Variants in EBF1 observed in about 807,000 individuals in gnomAD.
EBF1 encodes the protein EBF transcription factor 1.
Under a neutral mutation model 68.4 loss-of-function variants are expected in EBF1, and 10 were observed. The observed-to-expected ratio is 0.15, with a 90% CI of 0.09 to 0.25. The LOEUF (loss-of-function observed/expected upper bound fraction) is 0.25, where lower values mean the gene tolerates loss of function less well. Among genes scored for constraint, EBF1 ranks in the 10% least tolerant of loss-of-function variants. The pLI, the probability that EBF1 is intolerant of heterozygous loss-of-function variation, is 1.00. For synonymous variants in EBF1, 298 were observed against 299.8 expected (o/e 0.99, Z 0.06); for missense variants, 509 against 794.4 (o/e 0.64, Z 4.32).
chr5:159,070,977 A>T (rs1358366847), intron 6 of EBF1, among the ~76,000 whole-genome samples: 2 of 152,178 alleles, frequency 1.3e-5, no homozygotes, highest in African/African-American at 4.8e-5. Flanking sequence ...CCTTTGCAGC[A>T]ATTTTATGGA....
chr5:159,061,418 T>A lies in EBF1; in HGVS notation c.554+11978A>T, dbSNP rs1014769823. The stretch of plus-strand genomic sequence containing the variant: ...TGATTGTGGAGATAATTAAAGTCAT[T>A]CCTGGAACTTCCAAGAAAAAAAAAA... On this transcript the variant is annotated intron_variant, in intron 6 of 15. Coordinates refer to ENST00000313708, the MANE Select transcript of EBF1 (RefSeq NM_024007.5). 1.1e-4 allele frequency among the ~76,000 whole-genome samples: 17 copies of A among 151,594 alleles called. 1 individual carries two copies. The highest frequency in any genetic ancestry group is 1.1e-3 in the Admixed American group (17 of 15,266).
At chr5:159,079,844 G>C (rs987605159) in intron 5 of EBF1, among the ~76,000 whole-genome samples, 3 of 151,752 alleles carry the variant, frequency 2.0e-5, no homozygotes, top group Non-Finnish European at 2.9e-5. Flanking sequence ...TGAACTCTTG[G>C]CCTCAAGTGA....
At chr5:159,023,966 T>C (rs527273790) in intron 6 of EBF1, among the ~76,000 whole-genome samples, 1 of 152,300 alleles carries the variant, frequency 6.6e-6, no homozygotes, top group South Asian at 2.1e-4. Flanking sequence ...GTATGTTTCT[T>C]TGGAATAAAA....
intron 6 of EBF1, among the ~76,000 whole-genome samples, chr5:158,846,174 A>G (rs929267519): frequency 1.3e-5 from 2 of 152,182 alleles, no homozygotes; most frequent in African/African-American, 4.8e-5. Flanking sequence ...CTCTGGCCCA[A>G]TGCAGGAAAC....
chr5:158,854,877 T>A (rs1052932539), intron 6 of EBF1, among the ~76,000 whole-genome samples: 3 of 152,196 alleles, frequency 2.0e-5, no homozygotes, highest in Admixed American at 1.3e-4. Context: ...GGTCAGCACA[T>A]GCCAGGCACT....
chr5:158,866,857 A>ATGTG (rs1562162776), intron 6 of EBF1, among the ~76,000 whole-genome samples: 1 of 19,640 alleles, frequency 5.1e-5, no homozygotes. Flanking sequence ...ATATATATAT[A>ATGTG]TATATATATA....
At chr5:158,923,810 C>T (rs1808982898) in intron 6 of EBF1, among the ~76,000 whole-genome samples, 1 of 152,166 alleles carries the variant, frequency 6.6e-6, no homozygotes, top group Admixed American at 6.5e-5. Context: ...CAACAAATCT[C>T]AAATTTCGTG....
chr5:159,004,811 G>A (rs777978585), intron 6 of EBF1, among the ~76,000 whole-genome samples: 3 of 152,136 alleles, frequency 2.0e-5, no homozygotes, highest in Non-Finnish European at 4.4e-5. Flanking sequence ...AGCTTGAGGT[G>A]GAAGTGGCAA....
intron 8 of EBF1, among the ~76,000 whole-genome samples, chr5:158,819,625 T>A (rs1784426225): frequency 6.6e-6 from 1 of 152,308 alleles, no homozygotes; most frequent in Non-Finnish European, 1.5e-5. Flanking sequence ...GTACACAGGG[T>A]AGCGCTGAAC....
intron 4 of EBF1, among the ~76,000 whole-genome samples, chr5:159,094,053 G>A (rs7722158): frequency 0.043 from 6,111 of 141,216 alleles, 264 homozygotes; most frequent in African/African-American, 0.12. Flanking sequence ...GATATCCAGG[G>A]TATCAAAGGC....
intron 7 of EBF1, among the ~76,000 whole-genome samples, chr5:158,830,708 TC>T (rs1183521735): frequency 6.6e-6 from 1 of 152,236 alleles, no homozygotes; most frequent in Non-Finnish European, 1.5e-5. Flanking sequence ...AGCAGTTAGG[TC>T]TTCATTAACT....
At chr5:158,817,878 C>A (rs999364201) in intron 8 of EBF1, among the ~76,000 whole-genome samples, 3 of 152,126 alleles carry the variant, frequency 2.0e-5, no homozygotes, top group East Asian at 3.9e-4. Flanking sequence ...TATGAATGAG[C>A]GATTTCAAGT....
intron 6 of EBF1, among the ~76,000 whole-genome samples, chr5:159,061,903 A>G (rs2127875397): frequency 6.6e-6 from 1 of 152,248 alleles, no homozygotes; most frequent in South Asian, 2.1e-4. Context: ...TTCAATCTTG[A>G]GGAGAGCTTA....
chr5:158,967,786 C>T (rs1754474672), intron 6 of EBF1, among the ~76,000 whole-genome samples: 1 of 152,114 alleles, frequency 6.6e-6, no homozygotes, highest in Non-Finnish European at 1.5e-5. Context: ...ATGAAGTCAC[C>T]ACTGTGAGTA....
chr5:158,744,015 A>G (rs1471620143), intron 10 of EBF1, among the ~76,000 whole-genome samples: 1 of 152,062 alleles, frequency 6.6e-6, no homozygotes, highest in Non-Finnish European at 1.5e-5. Flanking sequence ...TACTAAAAAT[A>G]CAAAAATCAG....
At chr5:158,830,838 G>A (rs1047219436) in intron 7 of EBF1, among the ~76,000 whole-genome samples, 6 of 152,160 alleles carry the variant, frequency 3.9e-5, no homozygotes, top group African/African-American at 9.7e-5. Context: ...TGGAGGACGC[G>A]TGAACCTACA....
chr5:158,993,346 C>G (rs1349080802), intron 6 of EBF1, among the ~76,000 whole-genome samples: 3 of 152,134 alleles, frequency 2.0e-5, no homozygotes, highest in Non-Finnish European at 2.9e-5. Flanking sequence ...CCATGCCTGG[C>G]CCTGTTTCTT....
chr5:158,745,473 A>C (rs957629721), intron 10 of EBF1, among the ~76,000 whole-genome samples: 4 of 152,172 alleles, frequency 2.6e-5, no homozygotes, highest in African/African-American at 9.7e-5. Context: ...CACCCACCTA[A>C]GCCAGGTACA....
At chr5:158,788,695 C>T (rs894977539) in intron 9 of EBF1, among the ~76,000 whole-genome samples, 3 of 152,124 alleles carry the variant, frequency 2.0e-5, no homozygotes, top group Non-Finnish European at 4.4e-5. Context: ...CACATGACTG[C>T]AGCCAGGTGT....
Sources: gnomAD v4.1 joint callset for allele counts (sites outside exome capture counted in the v4.1 genomes callset) on GRCh38, gnomAD v4.1.1 for gene constraint, MANE v1.5 for transcripts, NCBI Gene and HGNC (gene_info 2026-07-23, HGNC 2026-07-21) for gene names.